The following PECAM1 variants were observed in gnomAD, a reference collection of about 807,000 sequenced individuals.
PECAM1 encodes platelet endothelial cell adhesion molecule.
Under a neutral mutation model 13.8 loss-of-function variants are expected in PECAM1, and 8 were observed. The observed-to-expected ratio is 0.58, with a 90% CI of 0.34 to 1.05. PECAM1 has a LOEUF of 1.05. Ranked by LOEUF, PECAM1 falls within the 50% of genes least tolerant of loss-of-function variation. The pLI, the probability that PECAM1 is intolerant of heterozygous loss-of-function variation, is 0.03. For missense variants in PECAM1, 304 were observed against 141.2 expected (o/e 2.15, Z -5.84); for synonymous variants, 136 against 52.6 (o/e 2.58, Z -6.86).
chr17:64,347,409 T>C (rs2035596551), intron 13 of PECAM1, among the ~76,000 whole-genome samples: 1 of 150,640 alleles, frequency 6.6e-6, no homozygotes, highest in East Asian at 2.0e-4. Context: ...TGCATGCCTG[T>C]AATCCCAGCT....
intron 14 of PECAM1, among the ~76,000 whole-genome samples, chr17:64,339,916 G>A (rs1408902741): frequency 6.6e-6 from 1 of 152,162 alleles, no homozygotes. Flanking sequence ...TTGGGAGGCC[G>A]AAGGGGGTGG....
chr17:64,360,105 C>G lies in PECAM1; in HGVS notation c.1492+35G>C, dbSNP rs1239686425. On this transcript the variant is annotated intron_variant, in intron 7 of 15. Transcript: ENST00000563924. ...CCTGGGCGTGAAAGAATGCCCCAAG[C>G]CCACATGATTTCTTCTCACAGCACA... The G allele has an allele frequency of 1.5e-5, 7 of 475,194 alleles. No individual in the cohort carries two copies. The Admixed American group carries it at 2.2e-4, about 15-fold the overall frequency. 29.4% of individuals were successfully genotyped at this position (475,194 alleles called of 1,614,324 possible). A position where few individuals can be genotyped will look rare whatever the true frequency, so the allele number is the denominator to read the frequency against.
chr17:64,322,179 C>T lies in PECAM1; in HGVS notation c.*1637G>A. The T allele has an allele frequency of 1.0e-5, 7 of 688,082 alleles. No individual in the cohort carries two copies. The highest frequency in any genetic ancestry group is 1.3e-5 in the Non-Finnish European group (7 of 553,294). 42.6% of individuals were successfully genotyped at this position (688,082 alleles called of 1,614,324 possible). A position where few individuals can be genotyped will look rare whatever the true frequency, so the allele number is the denominator to read the frequency against. The stretch of plus-strand genomic sequence containing the variant: ...GGCGGGCAGATCACCAAAGGTCAGG[C>T]ATTCGAGATCAGCCTGGCCAACGTG... On this transcript the variant is annotated 3_prime_UTR_variant, in exon 16 of 16. Coordinates refer to ENST00000563924, the MANE Select transcript of PECAM1 (RefSeq NM_000442.5).
intron 4 of PECAM1, among the ~76,000 whole-genome samples, chr17:64,371,129 G>C (rs904539243): frequency 4.6e-5 from 7 of 151,934 alleles, no homozygotes. Flanking sequence ...AAATGCAGAG[G>C]GAAAAAAATG....
chr17:64,344,235 A>T (rs938110664), intron 13 of PECAM1, among the ~76,000 whole-genome samples: 1 of 151,156 alleles, frequency 6.6e-6, no homozygotes, highest in Non-Finnish European at 1.5e-5. Flanking sequence ...GCTGCCCCCA[A>T]ATCTGCCCAG....
intron 3 of PECAM1, among the ~76,000 whole-genome samples, chr17:64,376,116 C>T (rs2036352113): frequency 6.6e-6 from 1 of 152,084 alleles, no homozygotes; most frequent in Admixed American, 6.5e-5. Context: ...CCAGCCTGGC[C>T]AACATGGCGA....
At position 64,321,693 on chromosome 17, in the gene PECAM1, C is replaced by T; in HGVS notation, c.*2123G>A. ...GGAGGATCGCTTGAGCCCAGGGGTT[C>T]GAGGCTGCGGTGAGCCATTGTTGTG... is the stretch of plus-strand genomic sequence containing the variant. On this transcript the variant is annotated 3_prime_UTR_variant, in exon 16 of 16. Transcript: ENST00000563924. The T allele has an allele frequency of 1.1e-5, 9 of 812,834 alleles. No homozygotes were observed. In the South Asian group the frequency reaches 1.2e-4, roughly 11 times the overall value. 50.4% of individuals were successfully genotyped at this position (812,834 alleles called of 1,614,324 possible).
At chr17:64,344,541 T>G (rs28587462) in intron 13 of PECAM1, among the ~76,000 whole-genome samples, 2,825 of 151,868 alleles carry the variant, frequency 0.019, 86 homozygotes, top group African/African-American at 0.063. Flanking sequence ...AAGTGACCAC[T>G]TGGTCGGCTG....
Position 64,322,461 on chromosome 17 carries a change from A to G in PECAM1, c.*1355T>C, listed in dbSNP as rs1399115156. The stretch of plus-strand genomic sequence containing the variant: ...AGAGGCCCAAGGAGTCCTCAGCACT[A>G]TAGATGCATGTGGCCCCTCAGAAGA... On this transcript the variant is annotated 3_prime_UTR_variant, in exon 16 of 16. Transcript: ENST00000563924. The G allele has an allele frequency of 1.0e-6, 1 of 985,470 alleles. No individual in the cohort carries two copies. Among genetic ancestry groups the G allele is most frequent in the Non-Finnish European group, 1.2e-6 (1 of 830,044 alleles). The allele number at this position is 985,470 out of a possible 1,614,324, so 61.0% of individuals were successfully genotyped here.
At chr17:64,381,678 A>G (rs2036483643) in intron 2 of PECAM1, among the ~76,000 whole-genome samples, 1 of 152,208 alleles carries the variant, frequency 6.6e-6, no homozygotes, top group South Asian at 2.1e-4. Flanking sequence ...ATGAGATGAA[A>G]CAAGGTGACG....
At chr17:64,369,214 G>A (rs997907877) in intron 5 of PECAM1, among the ~76,000 whole-genome samples, 7 of 152,050 alleles carry the variant, frequency 4.6e-5, no homozygotes, top group Non-Finnish European at 1.0e-4. Context: ...GATTACAGAC[G>A]TGAGCCACCA....
At chr17:64,378,191 A>G (rs1393886299) in intron 2 of PECAM1, 74 bp from the exon 3 acceptor site, 23 of 423,330 alleles carry the variant, frequency 5.4e-5, no homozygotes, top group Non-Finnish European at 9.8e-5. Context: ...CCTTCACCAC[A>G]TCAGATGTGG....
chr17:64,340,015 G>A (rs1309397239), intron 14 of PECAM1, among the ~76,000 whole-genome samples: 4 of 152,158 alleles, frequency 2.6e-5, no homozygotes, highest in African/African-American at 9.7e-5. Context: ...GCTGGGCATG[G>A]TGGTGTGTGT....
intron 15 of PECAM1, among the ~76,000 whole-genome samples, chr17:64,324,182 T>G (rs1169855255): frequency 1.3e-5 from 2 of 152,162 alleles, no homozygotes; most frequent in Non-Finnish European, 2.9e-5. Context: ...GGTTCTCACC[T>G]CTGAAATTCC....
intron 7 of PECAM1, among the ~76,000 whole-genome samples, chr17:64,357,437 C>T (rs1212972820): frequency 4.6e-5 from 7 of 152,160 alleles, no homozygotes; most frequent in African/African-American, 7.2e-5. Context: ...CTCCTGTATC[C>T]GCTTTTCCTA....
chr17:64,374,370 T>C lies in PECAM1; in HGVS notation c.691+681A>G, dbSNP rs976985042. On this transcript the variant is annotated intron_variant, in intron 4 of 15. Coordinates refer to ENST00000563924, the MANE Select transcript of PECAM1 (RefSeq NM_000442.5). ...CAGGCATGGTGGCATGCCCCTGTAA[T>C]CCCAGCTACCCAGGAGGCTGAGGCA... is the stretch of plus-strand genomic sequence containing the variant. 9.9e-5 allele frequency among the ~76,000 whole-genome samples: 15 copies of C among 151,638 alleles called. 1 individual carries two copies. Among genetic ancestry groups the C allele is most frequent in the Non-Finnish European group, 1.5e-4 (10 of 67,962 alleles).
At chr17:64,371,026 G>A (rs941654829) in intron 4 of PECAM1, among the ~76,000 whole-genome samples, 2 of 152,088 alleles carry the variant, frequency 1.3e-5, no homozygotes, top group East Asian at 1.9e-4. Context: ...CATGCTTTAG[G>A]ACTCTCAAAT....
At chr17:64,365,614 C>T (rs1283830810) in intron 5 of PECAM1, among the ~76,000 whole-genome samples, 2 of 152,086 alleles carry the variant, frequency 1.3e-5, no homozygotes, top group Non-Finnish European at 2.9e-5. Flanking sequence ...GGTACTGGTA[C>T]CAAAACAGAG....
chr17:64,363,872 A>G (rs1177180016), intron 5 of PECAM1, among the ~76,000 whole-genome samples: 1 of 152,158 alleles, frequency 6.6e-6, no homozygotes, highest in East Asian at 1.9e-4. Flanking sequence ...TGAACCCAGG[A>G]GACAGAGATT....
Sources: gnomAD v4.1 joint callset for allele counts (sites outside exome capture counted in the v4.1 genomes callset) on GRCh38, gnomAD v4.1.1 for gene constraint, MANE v1.5 for transcripts, NCBI Gene and HGNC (gene_info 2026-07-23, HGNC 2026-07-21) for gene names.